PDSS2: variants seen among roughly 807,000 people sequenced by gnomAD.
PDSS2 encodes decaprenyl diphosphate synthase subunit 2.
Under a neutral mutation model 44.5 loss-of-function variants are expected in PDSS2, and 31 were observed. The ratio of observed to expected loss-of-function variants is 0.70; its 90% CI spans 0.52 to 0.94. The LOEUF (loss-of-function observed/expected upper bound fraction) is 0.94. Among genes scored for constraint, PDSS2 ranks in the 40% least tolerant of loss-of-function variants. The pLI, the probability that PDSS2 is intolerant of heterozygous loss-of-function variation, is 0.00. For synonymous variants in PDSS2, 157 were observed against 180.3 expected (o/e 0.87, Z 1.03); for missense variants, 452 against 482.2 (o/e 0.94, Z 0.59).
At chr6:107,308,658 T>C (rs530486478) in intron 2 of PDSS2, among the ~76,000 whole-genome samples, 1 of 152,362 alleles carries the variant, frequency 6.6e-6, no homozygotes, top group Admixed American at 6.5e-5. Flanking sequence ...GACAGCAAAG[T>C]TGTACTTCTC....
rs1554279679 is a variant in PDSS2 at position 107,424,036 on chromosome 6, C to CATTTTTTTT, written c.296+34953_296+34954insAAAAAAAAT. Among the ~76,000 whole-genome samples, 11 of 90,594 alleles carry CATTTTTTTT rather than the reference C, an allele frequency of 1.2e-4. 2 individuals are homozygous for CATTTTTTTT. The highest frequency in any genetic ancestry group is 1.3e-4 in the Admixed American group (1 of 7,490). 59.4% of individuals were successfully genotyped at this position (90,594 alleles called of 152,430 possible). On this transcript the variant is annotated intron_variant, in intron 1 of 7. Coordinates refer to ENST00000369037, the MANE Select transcript of PDSS2 (RefSeq NM_020381.4). Reference sequence around the variant, plus strand: ...AATTATGATTATTTTTATCTTGCATCTTTTTTTTTTTTTTTTTTTTTTTGG... The same window carrying CATTTTTTTT: ...AATTATGATTATTTTTATCTTGCATCATTTTTTTTTTTTTTTTTTTTTTTTTTTTTTTGG...
At chr6:107,332,984 C>T (rs974778464) in intron 2 of PDSS2, among the ~76,000 whole-genome samples, 3 of 152,130 alleles carry the variant, frequency 2.0e-5, no homozygotes, top group Non-Finnish European at 4.4e-5. Context: ...ATTTCGCTTG[C>T]TTGCTAATGA....
chr6:107,163,018 A>G (rs1468148362), intron 7 of PDSS2, among the ~76,000 whole-genome samples: 3 of 152,226 alleles, frequency 2.0e-5, no homozygotes, highest in Non-Finnish European at 4.4e-5. Context: ...TGATAAATCC[A>G]GTTCATAAAT....
chr6:107,364,702 G>A (rs1007428217), intron 1 of PDSS2, among the ~76,000 whole-genome samples: 10 of 151,994 alleles, frequency 6.6e-5, no homozygotes, highest in African/African-American at 1.9e-4. Flanking sequence ...ACAGTGCAGT[G>A]GGGGGGCTGA....
intron 2 of PDSS2, among the ~76,000 whole-genome samples, chr6:107,307,885 A>G (rs937277879): frequency 6.6e-6 from 1 of 152,208 alleles, no homozygotes; most frequent in African/African-American, 2.4e-5. Context: ...ACAAATACTG[A>G]TGACTCCTCT....
intron 5 of PDSS2, among the ~76,000 whole-genome samples, chr6:107,211,734 C>CA (rs772288348): frequency 0.087 from 6,656 of 76,294 alleles, 448 homozygotes; most frequent in African/African-American, 0.2. Context: ...GACTCCATCT[C>CA]AAAAAAAAAA....
chr6:107,225,159 ATATTTTTTTT>A (rs1347950616), intron 4 of PDSS2, among the ~76,000 whole-genome samples: 1 of 46,606 alleles, frequency 2.1e-5, no homozygotes, highest in African/African-American at 1.8e-4. Context: ...ATATATATAT[ATATTTTTTTT>A]TTTTTTTTTT....
At chr6:107,384,268 G>T (rs902837725) in intron 1 of PDSS2, among the ~76,000 whole-genome samples, 1 of 152,126 alleles carries the variant, frequency 6.6e-6, no homozygotes, top group Non-Finnish European at 1.5e-5. Context: ...CAGGTACCGA[G>T]GTTTTTTTGA....
chr6:107,266,173 G>C (rs1775406134), intron 3 of PDSS2, among the ~76,000 whole-genome samples: 1 of 152,148 alleles, frequency 6.6e-6, no homozygotes, highest in South Asian at 2.1e-4. Flanking sequence ...AACTGGCTCT[G>C]AATATGGGAG....
Position 107,415,022 on chromosome 6 carries a change from T to G in PDSS2, c.296+43968A>C, listed in dbSNP as rs1006041393. ...TGAGTGAGGCTTAGATGTAATCTAG[T>G]TCAGAAAATTAGAAAGGTGATATTA... On this transcript the variant is annotated intron_variant, in intron 1 of 7. Coordinates refer to ENST00000369037, the MANE Select transcript of PDSS2 (RefSeq NM_020381.4). 5.3e-5 allele frequency among the ~76,000 whole-genome samples: 8 copies of G among 152,252 alleles called. 1 individual carries two copies. The South Asian group carries it at 1.7e-3, about 32-fold the overall frequency.
intron 1 of PDSS2, among the ~76,000 whole-genome samples, chr6:107,364,203 C>T (rs1485366314): frequency 1.3e-5 from 2 of 152,212 alleles, no homozygotes; most frequent in Admixed American, 6.5e-5. Context: ...CGCACTGGGG[C>T]TGCAGGTGGA....
rs140417625 is a variant in PDSS2 at position 107,381,355 on chromosome 6, C to A, written c.297-47023G>T. On this transcript the variant is annotated intron_variant, in intron 1 of 7. Transcript: ENST00000369037. ...AGCATATGTTAAATGCTATTAAATACTCACTAACAATAGAATTTCTTCATG... is the reference window on the plus strand; with the variant it reads ...AGCATATGTTAAATGCTATTAAATAATCACTAACAATAGAATTTCTTCATG... 2.5e-3 allele frequency among the ~76,000 whole-genome samples: 386 copies of A among 152,286 alleles called. 2 individuals carry two copies. The highest frequency in any genetic ancestry group is 9.1e-3 in the African/African-American group (379 of 41,580).
intron 2 of PDSS2, among the ~76,000 whole-genome samples, chr6:107,288,080 CT>C (rs1307926898): frequency 6.6e-6 from 1 of 152,044 alleles, no homozygotes; most frequent in Non-Finnish European, 1.5e-5. Flanking sequence ...AACTCCTGGC[CT>C]GAAGCAATCC....
chr6:107,285,692 A>G (rs1429697384), intron 2 of PDSS2, among the ~76,000 whole-genome samples: 1 of 152,206 alleles, frequency 6.6e-6, no homozygotes, highest in Non-Finnish European at 1.5e-5. Flanking sequence ...AAAATGTTAG[A>G]TCCCTATCTT....
chr6:107,408,762 G>C (rs1562520742), intron 1 of PDSS2, among the ~76,000 whole-genome samples: 1 of 152,118 alleles, frequency 6.6e-6, no homozygotes, highest in East Asian at 1.9e-4. Context: ...AAAGAGGCTA[G>C]AAATTTAGAT....
chr6:107,375,506 ACTAT>A (rs1427771618), intron 1 of PDSS2, among the ~76,000 whole-genome samples: 1 of 152,256 alleles, frequency 6.6e-6, no homozygotes, highest in Non-Finnish European at 1.5e-5. Flanking sequence ...CTTGAAAAAC[ACTAT>A]CTATGAAAGT....
intron 1 of PDSS2, among the ~76,000 whole-genome samples, chr6:107,448,975 C>A (rs1000814820): frequency 1.3e-5 from 2 of 152,188 alleles, no homozygotes; most frequent in Admixed American, 6.5e-5. Flanking sequence ...ATTCAATTAC[C>A]ACCCACTGAG....
chr6:107,206,561 T>A (rs910345505), intron 6 of PDSS2, among the ~76,000 whole-genome samples: 1 of 152,080 alleles, frequency 6.6e-6, no homozygotes, highest in African/African-American at 2.4e-5. Flanking sequence ...AGAGTCCAAA[T>A]TAGAATCTAG....
At position 107,246,390 on chromosome 6, in the gene PDSS2, A is replaced by G. The variant is rs562384298; in HGVS notation, c.631-771T>C. On this transcript the variant is annotated intron_variant, in intron 3 of 7. Coordinates refer to ENST00000369037, the MANE Select transcript of PDSS2 (RefSeq NM_020381.4). ...ATAGTGGTATTTATGATAATGTTCAATGTAGCCATTTCAAATAAGAATTCC... is the reference window on the plus strand; with the variant it reads ...ATAGTGGTATTTATGATAATGTTCAGTGTAGCCATTTCAAATAAGAATTCC... Among the ~76,000 whole-genome samples, 7 of 152,316 alleles carry G rather than the reference A, an allele frequency of 4.6e-5. 1 individual carries two copies. In the South Asian group the frequency reaches 1.5e-3, roughly 32 times the overall value.
Sources: gnomAD v4.1 joint callset for allele counts (sites outside exome capture counted in the v4.1 genomes callset) on GRCh38, gnomAD v4.1.1 for gene constraint, MANE v1.5 for transcripts, NCBI Gene and HGNC (gene_info 2026-07-23, HGNC 2026-07-21) for gene names.